Variants in GEN1 observed in about 807,000 individuals in gnomAD.
The protein encoded by GEN1 is GEN1 structure-specific endonuclease, also known as flap endonuclease GEN homolog 1.
Under a neutral mutation model 67.6 loss-of-function variants are expected in GEN1, and 64 were observed. That is an observed-to-expected ratio of 0.95 (90% CI 0.77 to 1.17). The LOEUF (loss-of-function observed/expected upper bound fraction) is 1.17. Ranked by LOEUF, GEN1 falls within the 50% of genes most tolerant of loss-of-function variation. The pLI is 0.00. For missense variants in GEN1, 1,058 were observed against 1,048.3 expected (o/e 1.01, Z -0.13); for synonymous variants, 371 against 359.4 (o/e 1.03, Z -0.37).
intron 4 of GEN1, 122 bp downstream of exon 4, chr2:17,765,195 T>C (rs906530067): frequency 3.4e-5 from 27 of 804,844 alleles, no homozygotes; most frequent in Middle Eastern, 3.6e-4. Flanking sequence ...CAATTGCTAA[T>C]TAAAATGCTT....
At chr2:17,771,343 T>C in intron 7 of GEN1, 56 bp downstream of exon 7, 1 of 1,020,402 alleles carries the variant, frequency 9.8e-7, no homozygotes, top group South Asian at 1.3e-5. Context: ...TTAATTCTTG[T>C]TCACATAGTA....
At chr2:17,757,392 T>A (rs1671481755) in intron 1 of GEN1, among the ~76,000 whole-genome samples, 1 of 152,126 alleles carries the variant, frequency 6.6e-6, no homozygotes, top group South Asian at 2.1e-4. Flanking sequence ...GTTTTATTTT[T>A]TTTTTTACCA....
rs3810832 is a variant in GEN1, at chr2:17,754,185, C to T, written c.-176C>T. On this transcript the variant is annotated 5_prime_UTR_variant, in exon 1 of 14. Coordinates refer to ENST00000381254, the MANE Select transcript of GEN1 (RefSeq NM_001130009.3). ...GTGCTCCTGGGCCTGGCGGTTGAGC[C>T]CGGGGAGCTAGTCTTTGCTTGGGTA... is the stretch of plus-strand genomic sequence containing the variant. 7.2e-5 allele frequency: 11 copies of T among 152,010 alleles called. No homozygotes were observed. The East Asian group carries it at 2.0e-3, about 27-fold the overall frequency. The allele number at this position is 152,010 out of a possible 1,614,324, so 9.4% of individuals were successfully genotyped here. A position where few individuals can be genotyped will look rare whatever the true frequency, so the allele number is the denominator to read the frequency against.
chr2:17,780,005 A>G lies in GEN1; in HGVS notation c.1292A>G (p.His431Arg), dbSNP rs1193506169. 2 of 1,601,352 alleles carry G rather than the reference A, an allele frequency of 1.2e-6. No individual in the cohort carries two copies. The highest frequency in any genetic ancestry group is 1.7e-6 in the Non-Finnish European group (2 of 1,168,546). ...PEHYAMEDKQ[H>R]GEFALLTIEE... ...CATTATGCTATGGAAGATAAACAAC[A>G]TGGAGAATTTGCTTTATTAACAATT... The change falls in exon 13 of 14, where the codon CAT becomes CGT. Residue 431 changes from histidine (H) to arginine (R), a missense_variant. By Grantham distance (29) the His-to-Arg change is conservative. Coordinates refer to ENST00000381254, the MANE Select transcript of GEN1 (RefSeq NM_001130009.3).
chr2:17,774,873 C>G (rs866293285), intron 11 of GEN1, among the ~76,000 whole-genome samples: 15 of 151,872 alleles, frequency 9.9e-5, no homozygotes, highest in African/African-American at 3.6e-4. Context: ...TTCTCTGTTC[C>G]TATCAGGAGA....
intron 5 of GEN1, among the ~76,000 whole-genome samples, chr2:17,768,445 T>TA (rs1470970923): frequency 6.6e-6 from 1 of 152,210 alleles, no homozygotes; most frequent in Non-Finnish European, 1.5e-5. Context: ...CCTCTAAAAT[T>TA]ATGACCCTCC....
rs1672516294 is a variant in GEN1 at position 17,777,903 on chromosome 2, C to T, written c.1203-99C>T. 6 of 652,706 alleles carry T rather than the reference C, an allele frequency of 9.2e-6. No individual in the cohort carries two copies. In the East Asian group the frequency reaches 1.7e-4, roughly 19 times the overall value. The allele number at this position is 652,706 out of a possible 1,614,324, so 40.4% of individuals were successfully genotyped here. ...GCAGTAATTCCTTAAAATGTTTTTA[C>T]CTGGGAAAAAAAAATCTATGGAAAT... On this transcript the variant is annotated intron_variant, in intron 11 of 13. Coordinates refer to ENST00000381254, the MANE Select transcript of GEN1 (RefSeq NM_001130009.3).
chr2:17,781,214 T>C lies in GEN1; in HGVS notation c.2002T>C (p.Cys668Arg). 1 of 1,613,644 alleles carries C rather than the reference T, an allele frequency of 6.2e-7. No individual in the cohort carries two copies. The highest frequency in any genetic ancestry group is 8.5e-7 in the Non-Finnish European group (1 of 1,179,606). ...EHLLSGITDL[C>R]LQDLPLKERI... ...TCTACTTTCTGGCATTACTGATTTATGTCTTCAGGATTTGCCTTTAAAGGA... is the reference window on the plus strand; with the variant it reads ...TCTACTTTCTGGCATTACTGATTTACGTCTTCAGGATTTGCCTTTAAAGGA... Residue 668 changes from cysteine (C) to arginine (R), a missense_variant, in exon 14 of 14, where the codon TGT (cysteine) becomes CGT (arginine). Transcript: ENST00000381254.
rs1272960657 is a variant in GEN1 at position 17,757,629 on chromosome 2, GT to G, written c.-15-2298del. 2.0e-5 allele frequency among the ~76,000 whole-genome samples: 3 copies of G among 152,176 alleles called. No individual in the cohort carries two copies. The East Asian group carries it at 5.8e-4, about 29-fold the overall frequency. On this transcript the variant is annotated intron_variant, in intron 1 of 13. Transcript: ENST00000381254. Reference sequence around the variant, plus strand: ...TGCCCTGGCCAACTCCACAGGACTAGTTCTAGGCAATCTGAAGGAAACCAGA... The same window carrying G: ...TGCCCTGGCCAACTCCACAGGACTAGTCTAGGCAATCTGAAGGAAACCAGA...
Position 17,787,097 on chromosome 2 carries a change from A to G in GEN1, c.*5158A>G, listed in dbSNP as rs1673083273. 1 of 152,120 alleles carries G rather than the reference A, an allele frequency of 6.6e-6. No homozygotes were observed. Among genetic ancestry groups the G allele is most frequent in the Non-Finnish European group, 1.5e-5 (1 of 68,036 alleles). 9.4% of individuals were successfully genotyped at this position (152,120 alleles called of 1,614,324 possible). A position where few individuals can be genotyped will look rare whatever the true frequency, so the allele number is the denominator to read the frequency against. On this transcript the variant is annotated 3_prime_UTR_variant, in exon 14 of 14. Transcript: ENST00000381254. ...TGCCTGAAATGCTTGCTGCTTCCTT[A>G]TTGGCTAGATAAACCTCATCTATTA...
chr2:17,772,575 A>T, intron 7 of GEN1, 59 bp from the exon 8 acceptor site: 1 of 1,467,424 alleles, frequency 6.8e-7, no homozygotes, highest in Non-Finnish European at 9.3e-7. Flanking sequence ...AAAAGAATGT[A>T]TGTAGAAAGT....
rs1319370137 is a variant in GEN1, at chr2:17,780,767, C to T, written c.1555C>T (p.Gln519Ter). 6.2e-7 allele frequency: 1 copy of T among 1,613,992 alleles called. No individual in the cohort carries two copies. The highest frequency in any genetic ancestry group is 8.5e-7 in the Non-Finnish European group (1 of 1,179,918). The stretch of plus-strand genomic sequence containing the variant: ...GATTTCCCCTGATCCTACATTACCA[C>T]AGGAATCTATTTCTGCCTCATTGAA... ...SGISPDPTLP[Q>*]ESISASLNSL... Residue 519 changes from glutamine to a stop codon, truncating the protein, a stop_gained, in exon 14 of 14, where the codon CAG becomes TAG. Transcript: ENST00000381254. LOFTEE classifies it low-confidence loss of function (END_TRUNC).
rs1366754757 is a variant in GEN1 at position 17,778,394 on chromosome 2, A to G, written c.1264+331A>G. 6.3e-4 allele frequency among the ~76,000 whole-genome samples: 25 copies of G among 39,878 alleles called. 7 individuals are homozygous for G. The highest frequency in any genetic ancestry group is 4.3e-3 in the South Asian group (2 of 468). The allele number at this position is 39,878 out of a possible 152,430, so 26.2% of individuals were successfully genotyped here. The stretch of plus-strand genomic sequence containing the variant: ...TACACACACATATATGTGTGTACAT[A>G]TATGTATATACACACATATATGTGT... On this transcript the variant is annotated intron_variant, in intron 12 of 13. Coordinates refer to ENST00000381254, the MANE Select transcript of GEN1 (RefSeq NM_001130009.3).
intron 13 of GEN1, 88 bp from the exon 14 acceptor site, chr2:17,780,533 T>G: frequency 1.2e-6 from 1 of 834,606 alleles, no homozygotes; most frequent in Non-Finnish European, 1.8e-6. Flanking sequence ...CATAGAGATT[T>G]CTCTCTGAAC....
At chr2:17,760,152 T>C in intron 2 of GEN1, 48 bp downstream of exon 2, 1 of 1,520,976 alleles carries the variant, frequency 6.6e-7, no homozygotes. Context: ...ATAAACAGTC[T>C]TGGTATCTTG....
Position 17,778,028 on chromosome 2 carries a change from G to T in GEN1, c.1229G>T (p.Gly410Val), listed in dbSNP as rs544751824. ...IRIVKTRIRN[G>V]VHCFEIEWEK... Reference sequence around the variant, plus strand: ...ATTGTTAAGACTCGAATCAGAAATGGAGTTCATTGTTTTGAAATAGAATGG... The same window carrying T: ...ATTGTTAAGACTCGAATCAGAAATGTAGTTCATTGTTTTGAAATAGAATGG... The change falls in exon 12 of 14, where the codon GGA becomes GTA. Residue 410 changes from glycine to valine, a missense_variant. Transcript: ENST00000381254. The T allele has an allele frequency of 1.5e-5, 24 of 1,596,242 alleles. No individual in the cohort carries two copies. In the South Asian group the frequency reaches 2.7e-4, roughly 18 times the overall value.
At position 17,772,667 on chromosome 2, in the gene GEN1, G is replaced by A. The variant is rs762584233; in HGVS notation, c.836G>A (p.Arg279Lys). The A allele has an allele frequency of 6.2e-6, 10 of 1,611,606 alleles. No homozygotes were observed. In the Admixed American group the frequency reaches 1.7e-4, roughly 27 times the overall value. The change falls in exon 8 of 14, where the codon AGA (arginine) becomes AAA (lysine). Residue 279 changes from arginine (R) to lysine (K), a missense_variant. By Grantham distance (26) the Arg-to-Lys change is conservative. Transcript: ENST00000381254. ...SPKDHERNGC[R>K]LCKSDKYCEP... ...AAGGATCATGAACGTAATGGATGCA[G>A]ATTATGTAAAAGTGATAAATATTGT...
chr2:17,780,698 A>G lies in GEN1; in HGVS notation c.1486A>G (p.Thr496Ala). The change falls in exon 14 of 14, where the codon ACA becomes GCA. Residue 496 changes from threonine to alanine, a missense_variant. By Grantham distance (58) the Thr-to-Ala change is moderately conservative. Coordinates refer to ENST00000381254, the MANE Select transcript of GEN1 (RefSeq NM_001130009.3). ...TCAGTCACACATGACTTTAAAACCC[A>G]CATGTGAAATCTTTCATAAGCAGAA... Reference protein sequence around the residue: ...SFQSHMTLKPTCEIFHKQNSK... With the variant: ...SFQSHMTLKPACEIFHKQNSK... 1 of 1,613,922 alleles carries G rather than the reference A, an allele frequency of 6.2e-7. No homozygotes were observed. Among genetic ancestry groups the G allele is most frequent in the African/African-American group, 1.3e-5 (1 of 75,056 alleles).
In GEN1 at chr2:17,788,070, C is replaced by T. The variant is rs189490085; in HGVS notation, c.*6131C>T. Reference sequence around the variant, plus strand: ...CTTGATACCTAGTCGCCTTTAGCCACTTCAAGACGCCCTGCCAAGATGCTT... The same window carrying T: ...CTTGATACCTAGTCGCCTTTAGCCATTTCAAGACGCCCTGCCAAGATGCTT... On this transcript the variant is annotated 3_prime_UTR_variant, in exon 14 of 14. Transcript: ENST00000381254. The T allele has an allele frequency of 2.6e-5, 4 of 152,340 alleles. No homozygotes were observed. 9.4% of individuals were successfully genotyped at this position (152,340 alleles called of 1,614,324 possible).
Sources: gnomAD v4.1 joint callset for allele counts (sites outside exome capture counted in the v4.1 genomes callset) on GRCh38, gnomAD v4.1.1 for gene constraint, MANE v1.5 for transcripts, NCBI Gene and HGNC (gene_info 2026-07-23, HGNC 2026-07-21) for gene names.